ROBO1: variants seen among roughly 807,000 people sequenced by gnomAD.
The protein encoded by ROBO1 is roundabout homolog 1.
A neutral mutation model predicts 195.9 loss-of-function variants in ROBO1; 149 were observed. That is an observed-to-expected ratio of 0.76 (90% CI 0.67 to 0.87). The LOEUF (loss-of-function observed/expected upper bound fraction) is 0.87, where lower values mean the gene tolerates loss of function less well. ROBO1 is among the 40% of genes least tolerant of loss of function. The pLI, the probability that ROBO1 is intolerant of heterozygous loss-of-function variation, is 0.00. For synonymous variants in ROBO1, 816 were observed against 733.2 expected, an observed-to-expected ratio of 1.11 and a Z score of -1.82; for missense variants, 1,933 against 2,068.3, an observed-to-expected ratio of 0.93 and a Z score of 1.27.
At chr3:79,673,813 G>A (rs1340050485) in intron 1 of ROBO1, among the ~76,000 whole-genome samples, 1 of 151,830 alleles carries the variant, frequency 6.6e-6, no homozygotes, top group African/African-American at 2.4e-5. Context: ...AGTTACCTTT[G>A]GGGATTGCTG....
At chr3:79,673,297 T>G (rs1946683972) in intron 1 of ROBO1, among the ~76,000 whole-genome samples, 1 of 151,968 alleles carries the variant, frequency 6.6e-6, no homozygotes, top group African/African-American at 2.4e-5. Flanking sequence ...CTCTTGAGGG[T>G]AAAACATGAA....
At chr3:78,792,935 A>T (rs2084067365) in intron 4 of ROBO1, among the ~76,000 whole-genome samples, 1 of 151,966 alleles carries the variant, frequency 6.6e-6, no homozygotes, top group Non-Finnish European at 1.5e-5. Context: ...CCTCCTCTCT[A>T]CTAAAAATAA....
At chr3:78,607,171 G>GT in intron 28 of ROBO1, 130 bp from the exon 29 acceptor site, 4 of 903,264 alleles carry the variant, frequency 4.4e-6, no homozygotes, top group Non-Finnish European at 6.5e-6. Context: ...ATACTTGAAG[G>GT]TAACCAAGGA....
intron 3 of ROBO1, among the ~76,000 whole-genome samples, chr3:78,983,115 C>T (rs1300588150): frequency 6.6e-6 from 1 of 152,068 alleles, no homozygotes; most frequent in Non-Finnish European, 1.5e-5. Flanking sequence ...CACCATGTTA[C>T]CCAGGCTAGT....
At chr3:78,755,606 G>A (rs973323502) in intron 4 of ROBO1, among the ~76,000 whole-genome samples, 2 of 152,146 alleles carry the variant, frequency 1.3e-5, no homozygotes, top group African/African-American at 4.8e-5. Flanking sequence ...CAGATTGGAG[G>A]TACCTTTTGT....
intron 10 of ROBO1, among the ~76,000 whole-genome samples, chr3:78,678,661 T>G (rs903641173): frequency 6.6e-6 from 1 of 151,978 alleles, no homozygotes; most frequent in Non-Finnish European, 1.5e-5. Context: ...AATAACAGGA[T>G]CTGAAATTGT....
chr3:79,457,732 G>A (rs978662886), intron 2 of ROBO1, among the ~76,000 whole-genome samples: 2 of 152,134 alleles, frequency 1.3e-5, no homozygotes, highest in Non-Finnish European at 2.9e-5. Context: ...CTGCCACCAC[G>A]TGAGACATGA....
At chr3:79,615,977 A>G (rs1219135662) in intron 1 of ROBO1, among the ~76,000 whole-genome samples, 2 of 152,194 alleles carry the variant, frequency 1.3e-5, no homozygotes, top group Admixed American at 1.3e-4. Flanking sequence ...TCTAGCAGAG[A>G]GTGACCACTG....
At chr3:79,061,638 G>C (rs1212738451) in intron 3 of ROBO1, among the ~76,000 whole-genome samples, 1 of 152,058 alleles carries the variant, frequency 6.6e-6, no homozygotes, top group African/African-American at 2.4e-5. Flanking sequence ...GCATGGTACT[G>C]GTACCAAAAC....
chr3:79,672,240 C>A (rs1252174909), intron 1 of ROBO1, among the ~76,000 whole-genome samples: 1 of 151,934 alleles, frequency 6.6e-6, no homozygotes, highest in Admixed American at 6.6e-5. Flanking sequence ...CTTTCATTTA[C>A]TGTGCTCATT....
intron 2 of ROBO1, among the ~76,000 whole-genome samples, chr3:79,394,766 A>G (rs1419619573): frequency 6.6e-6 from 1 of 152,164 alleles, no homozygotes; most frequent in Non-Finnish European, 1.5e-5. Flanking sequence ...TTAAGGATGT[A>G]AATAGGCAGG....
At chr3:79,753,928 A>T (rs1704252030) in intron 1 of ROBO1, among the ~76,000 whole-genome samples, 2 of 152,184 alleles carry the variant, frequency 1.3e-5, no homozygotes. Context: ...TCTAAACATG[A>T]TCAGATTAGA....
At chr3:79,402,076 T>A (rs2037386037) in intron 2 of ROBO1, among the ~76,000 whole-genome samples, 1 of 151,884 alleles carries the variant, frequency 6.6e-6, no homozygotes, top group African/African-American at 2.4e-5. Flanking sequence ...GTTCAGTGTG[T>A]TTTTTTAAGC....
intron 1 of ROBO1, among the ~76,000 whole-genome samples, chr3:79,652,337 ACTT>A (rs1946035312): frequency 6.6e-6 from 1 of 151,810 alleles, no homozygotes; most frequent in African/African-American, 2.4e-5. Context: ...CCTCTTCCAC[ACTT>A]GTTAGCTTTC....
chr3:78,601,506 T>C (rs1445316500), intron 29 of ROBO1, among the ~76,000 whole-genome samples: 2 of 152,190 alleles, frequency 1.3e-5, no homozygotes, highest in Admixed American at 6.5e-5. Flanking sequence ...TAACACTTGA[T>C]ACCATGTGAC....
intron 3 of ROBO1, among the ~76,000 whole-genome samples, chr3:79,122,215 C>T (rs1347549343): frequency 2.0e-5 from 3 of 151,806 alleles, no homozygotes; most frequent in African/African-American, 4.8e-5. Context: ...GGCTATATGC[C>T]GCGAACTGTT....
intron 2 of ROBO1, among the ~76,000 whole-genome samples, chr3:79,418,014 G>GC (rs2038076258): frequency 6.6e-6 from 1 of 152,034 alleles, no homozygotes; most frequent in Non-Finnish European, 1.5e-5. Context: ...GCCCTATGAA[G>GC]CCCCTAGCAC....
intron 24 of ROBO1, among the ~76,000 whole-genome samples, chr3:78,631,904 A>C (rs1705208906): frequency 1.3e-5 from 2 of 152,210 alleles, no homozygotes; most frequent in South Asian, 4.1e-4. Context: ...GTTTCTGTAC[A>C]ATGATGGCTT....
chr3:79,396,581 G>A (rs1046748361), intron 2 of ROBO1, among the ~76,000 whole-genome samples: 1 of 151,996 alleles, frequency 6.6e-6, no homozygotes, highest in Non-Finnish European at 1.5e-5. Flanking sequence ...ATTAGGAAAA[G>A]AAGTCATAAT....
Sources: gnomAD v4.1 joint callset for allele counts (sites outside exome capture counted in the v4.1 genomes callset) on GRCh38, gnomAD v4.1.1 for gene constraint, MANE v1.5 for transcripts, NCBI Gene and HGNC (gene_info 2026-07-23, HGNC 2026-07-21) for gene names.